Variants in PLCB1 observed in about 807,000 individuals in gnomAD.
PLCB1 encodes phospholipase C beta 1.
PLCB1 carries 46 observed loss-of-function variants against 161.8 expected under a neutral mutation model. The ratio of observed to expected loss-of-function variants is 0.28; its 90% CI spans 0.22 to 0.36. The LOEUF is 0.36. Ranked by LOEUF, PLCB1 falls within the 10% of genes least tolerant of loss-of-function variation. PLCB1 has a pLI of 1.00. For missense variants in PLCB1, 1,016 were observed against 1,472.5 expected, an observed-to-expected ratio of 0.69 and a Z score of 5.07; for synonymous variants, 517 against 503.7, an observed-to-expected ratio of 1.03 and a Z score of -0.35.
At chr20:8,371,091 A>G (rs1986888831) in intron 2 of PLCB1, 1 of 324,624 alleles carries the variant, frequency 3.1e-6, no homozygotes, top group Admixed American at 4.6e-5. Context: ...TTCAAAAGTA[A>G]GAACAAGAAG....
rs1236047718 is a variant in PLCB1 at position 8,802,735 on chromosome 20, T to C, written c.3423+12474T>C. On this transcript the variant is annotated intron_variant, in intron 31 of 31. Coordinates refer to ENST00000338037, the MANE Select transcript of PLCB1 (RefSeq NM_015192.4). ...GACAGCTTGTGATTTCCTGATTCTC[T>C]AGAAGCAAGAGCTCTTGGAAATATC... Among the ~76,000 whole-genome samples the C allele has an allele frequency of 2.6e-5, 4 of 152,326 alleles. No homozygotes were observed. In the East Asian group the frequency reaches 7.7e-4, roughly 29 times the overall value.
intron 3 of PLCB1, among the ~76,000 whole-genome samples, chr20:8,383,591 A>G (rs1987330904): frequency 6.6e-6 from 1 of 152,128 alleles, no homozygotes; most frequent in Non-Finnish European, 1.5e-5. Context: ...CTATCTGGTT[A>G]TTTTGCACAC....
intron 2 of PLCB1, among the ~76,000 whole-genome samples, chr20:8,357,408 A>G (rs1367376485): frequency 3.9e-5 from 6 of 152,196 alleles, no homozygotes; most frequent in Admixed American, 3.9e-4. Context: ...CAGGGAGGTA[A>G]TATTCAAGCA....
chr20:8,715,330 C>T (rs1007417735), intron 12 of PLCB1, among the ~76,000 whole-genome samples: 2 of 152,216 alleles, frequency 1.3e-5, no homozygotes, highest in African/African-American at 4.8e-5. Flanking sequence ...AGTTACTGGG[C>T]GTAGGATTTG....
intron 2 of PLCB1, among the ~76,000 whole-genome samples, chr20:8,273,119 A>G (rs1982366648): frequency 6.6e-6 from 1 of 152,196 alleles, no homozygotes; most frequent in South Asian, 2.1e-4. Flanking sequence ...AAGATTGTTG[A>G]ATACATGAGA....
At chr20:8,239,652 A>G (rs1980505892) in intron 2 of PLCB1, among the ~76,000 whole-genome samples, 1 of 151,950 alleles carries the variant, frequency 6.6e-6, no homozygotes, top group Admixed American at 6.6e-5. Flanking sequence ...TGAGAAAAAG[A>G]GTATTGAATA....
chr20:8,808,343 A>G (rs1383362730), intron 31 of PLCB1, among the ~76,000 whole-genome samples: 1 of 152,156 alleles, frequency 6.6e-6, no homozygotes, highest in Non-Finnish European at 1.5e-5. Flanking sequence ...TGGCCTTTCT[A>G]TGCACATGCA....
intron 2 of PLCB1, among the ~76,000 whole-genome samples, chr20:8,334,427 A>G (rs1042047350): frequency 3.3e-5 from 5 of 152,056 alleles, no homozygotes; most frequent in African/African-American, 1.2e-4. Context: ...ACAGGCATTC[A>G]TTATAAATAT....
At chr20:8,313,922 T>C (rs563507751) in intron 2 of PLCB1, among the ~76,000 whole-genome samples, 4 of 152,336 alleles carry the variant, frequency 2.6e-5, no homozygotes, top group Non-Finnish European at 5.9e-5. Flanking sequence ...TTTATCTGTA[T>C]AACAATGTCT....
intron 2 of PLCB1, among the ~76,000 whole-genome samples, chr20:8,223,417 G>C (rs1979520041): frequency 6.6e-6 from 1 of 152,140 alleles, no homozygotes; most frequent in African/African-American, 2.4e-5. Flanking sequence ...CTGAGGACTT[G>C]ATAGAGTCTC....
At chr20:8,570,349 A>G (rs1242283802) in intron 3 of PLCB1, among the ~76,000 whole-genome samples, 1 of 152,124 alleles carries the variant, frequency 6.6e-6, no homozygotes, top group Non-Finnish European at 1.5e-5. Context: ...GAAGGTAGAG[A>G]GTGGGTGAAG....
intron 2 of PLCB1, among the ~76,000 whole-genome samples, chr20:8,365,328 TAAAG>T (rs1986674273): frequency 6.6e-6 from 1 of 152,228 alleles, no homozygotes; most frequent in Non-Finnish European, 1.5e-5. Flanking sequence ...TGTGTTTAAA[TAAAG>T]AAAGCCAGAT....
intron 3 of PLCB1, among the ~76,000 whole-genome samples, chr20:8,380,299 G>T (rs1987218358): frequency 6.6e-6 from 1 of 151,622 alleles, no homozygotes; most frequent in Non-Finnish European, 1.5e-5. Flanking sequence ...CTATTCCATT[G>T]GTTCTGTATG....
At chr20:8,453,243 G>T (rs975815623) in intron 3 of PLCB1, among the ~76,000 whole-genome samples, 1 of 152,184 alleles carries the variant, frequency 6.6e-6, no homozygotes, top group African/African-American at 2.4e-5. Context: ...GTGTCCCATG[G>T]GTTCCAGTGG....
intron 9 of PLCB1, among the ~76,000 whole-genome samples, chr20:8,677,098 A>G (rs1032288695): frequency 1.3e-5 from 2 of 152,212 alleles, no homozygotes; most frequent in Non-Finnish European, 2.9e-5. Flanking sequence ...AAAATGTATA[A>G]AAGTTTAAAA....
intron 3 of PLCB1, among the ~76,000 whole-genome samples, chr20:8,419,430 T>A (rs956770944): frequency 1.5e-4 from 23 of 152,164 alleles, no homozygotes; most frequent in African/African-American, 1.9e-4. Context: ...TGATTTTTTT[T>A]AATTTTACAG....
chr20:8,342,012 A>T (rs1300706778), intron 2 of PLCB1, among the ~76,000 whole-genome samples: 1 of 152,118 alleles, frequency 6.6e-6, no homozygotes, highest in Non-Finnish European at 1.5e-5. Context: ...AAAACAGTGA[A>T]TTAAGCTGTG....
intron 20 of PLCB1, among the ~76,000 whole-genome samples, chr20:8,738,332 T>C (rs767363361): frequency 5.9e-5 from 9 of 152,202 alleles, no homozygotes; most frequent in Admixed American, 1.3e-4. Context: ...TTTCTCCACA[T>C]CCTCTCCAGC....
chr20:8,229,106 T>A (rs1395323936), intron 2 of PLCB1, among the ~76,000 whole-genome samples: 1 of 152,086 alleles, frequency 6.6e-6, no homozygotes, highest in Non-Finnish European at 1.5e-5. Context: ...TCAATGTTTG[T>A]AGCTTCCGTA....
Sources: allele counts gnomAD v4.1 joint callset (sites outside exome capture counted in the v4.1 genomes callset), GRCh38; gene constraint gnomAD v4.1.1; transcripts MANE v1.5; gene names NCBI Gene and HGNC (gene_info 2026-07-23, HGNC 2026-07-21).